The following CHD4 variants were observed in gnomAD, a reference collection of about 807,000 sequenced individuals.
CHD4 encodes the protein chromodomain helicase DNA binding protein 4.
CHD4 carries 35 observed loss-of-function variants against 235.5 expected under a neutral mutation model. The observed-to-expected ratio is 0.15, with a 90% CI of 0.11 to 0.20. The LOEUF (loss-of-function observed/expected upper bound fraction) is 0.20. CHD4 is among the 10% of genes least tolerant of loss of function. The pLI is 1.00. For synonymous variants in CHD4, 900 were observed against 850.2 expected (o/e 1.06, Z -1.02); for missense variants, 1,329 against 2,432.3 (o/e 0.55, Z 9.54).
chr12:6,583,011 A>G lies in CHD4; in HGVS notation c.4147+16T>C, dbSNP rs962908440. 5 of 1,587,204 alleles carry G rather than the reference A, an allele frequency of 3.2e-6. No homozygotes were observed. In the Admixed American group the frequency reaches 7.2e-5, roughly 23 times the overall value. On this transcript the variant is annotated intron_variant, in intron 27 of 39. Transcript: ENST00000544040. ...AGCAACATTTAGAAAAGCAACAAAAAAAGCACAGCCCTCACCTTCTGAACG... is the reference window on the plus strand; with the variant it reads ...AGCAACATTTAGAAAAGCAACAAAAGAAGCACAGCCCTCACCTTCTGAACG...
chr12:6,595,585 C>A (rs566751935), intron 13 of CHD4, among the ~76,000 whole-genome samples, 155 bp from the exon 14 acceptor site: 5 of 152,076 alleles, frequency 3.3e-5, no homozygotes, highest in African/African-American at 1.2e-4. Context: ...GTCAGGAGAT[C>A]GAGACCAGCC....
chr12:6,598,019 A>G lies in CHD4; in HGVS notation c.1767T>C (p.Gly589=), dbSNP rs1948529394. The change falls in exon 12 of 40, where the codon GGT becomes GGC. Residue 589 remains glycine, a synonymous_variant. Coordinates refer to ENST00000544040, the MANE Select transcript of CHD4 (RefSeq NM_001273.5). ...GCTTTCGGCTTTTCTCTTCATCACC[A>G]CCAAAGTCCCCAGAAGGTGGCTCAT... ...DMDEPPSGDF[G]GDEEKSRKRK... is the part of the protein sequence containing the mutation. 12 of 1,613,896 alleles carry G rather than the reference A, an allele frequency of 7.4e-6. No homozygotes were observed. The highest frequency in any genetic ancestry group is 7.6e-6 in the Non-Finnish European group (9 of 1,179,996).
At chr12:6,587,193 C>T (rs1161126454) in intron 25 of CHD4, 191 bp downstream of exon 25, 1 of 597,554 alleles carries the variant, frequency 1.7e-6, no homozygotes, top group African/African-American at 1.9e-5. Context: ...TGTAAGTTTT[C>T]TGACAACCAA....
At position 6,578,041 on chromosome 12, in the gene CHD4, G is replaced by C. The variant is rs766446926; in HGVS notation, c.5216C>G (p.Ala1739Gly). The C allele has an allele frequency of 2.5e-6, 4 of 1,612,584 alleles. No homozygotes were observed. Among genetic ancestry groups the C allele is most frequent in the South Asian group, 1.1e-5 (1 of 91,082 alleles). ...AGGCAAAGGATACTTTATAATGCCGGCTAGCAGCCAGTAGTCATGCCGTCG... is the reference window on the plus strand; with the variant it reads ...AGGCAAAGGATACTTTATAATGCCGCCTAGCAGCCAGTAGTCATGCCGTCG... ...WHRRHDYWLLAGIINHGYARW... is the reference protein window; with the variant it reads ...WHRRHDYWLLGGIINHGYARW... The change falls in exon 36 of 40, where the codon GCC (alanine) becomes GGC (glycine). Residue 1739 changes from alanine to glycine, a missense_variant. Transcript: ENST00000544040.
At position 6,606,331 on chromosome 12, in the gene CHD4, T is replaced by C. The variant is rs763513049; in HGVS notation, c.43A>G (p.Ser15Gly). The stretch of plus-strand genomic sequence containing the variant: ...AGTGCATCCATATCCTCCTCCTCAC[T>C]GCCCGCCGAGCAGGGGGACGGGGAG... ...LGSPSPCSAG[S>G]EEEDMDALLN... The change falls in exon 2 of 40, where the codon AGT becomes GGT. Residue 15 changes from serine to glycine, a missense_variant. Coordinates refer to ENST00000544040, the MANE Select transcript of CHD4 (RefSeq NM_001273.5). 1 of 1,569,924 alleles carries C rather than the reference T, an allele frequency of 6.4e-7. No individual in the cohort carries two copies. Among genetic ancestry groups the C allele is most frequent in the Non-Finnish European group, 8.6e-7 (1 of 1,160,972 alleles).
intron 39 of CHD4, 23 bp downstream of exon 39, chr12:6,570,846 T>C (rs1947953351): frequency 6.2e-7 from 1 of 1,613,630 alleles, no homozygotes; most frequent in African/African-American, 1.3e-5. Context: ...GAAGAGGTGG[T>C]GTCAAGAAGA....
At chr12:6,606,220 C>T in intron 2 of CHD4, 54 bp downstream of exon 2, 1 of 1,234,458 alleles carries the variant, frequency 8.1e-7, no homozygotes. Context: ...AGGAGTCACT[C>T]GGGAGAGCCC....
In CHD4 at chr12:6,596,092, G is replaced by A; in HGVS notation, c.1938C>T (p.Asp646=). 1.2e-6 allele frequency: 2 copies of A among 1,613,992 alleles called. No homozygotes were observed. Among genetic ancestry groups the A allele is most frequent in the Non-Finnish European group, 1.7e-6 (2 of 1,179,978 alleles). Residue 646 remains aspartate, a synonymous_variant, in exon 13 of 40, where the codon GAC becomes GAT. Coordinates refer to ENST00000544040, the MANE Select transcript of CHD4 (RefSeq NM_001273.5). ...GHVHYLIKWR[D]LPYDQASWES... The stretch of plus-strand genomic sequence containing the variant: ...CCCAAGAAGCCTGATCGTAAGGTAA[G>A]TCCCGCCACTTGATCAAGTAGTGGA...
rs373705928 is a variant in CHD4, at chr12:6,598,195, T to A, written c.1686+27A>T. The stretch of plus-strand genomic sequence containing the variant: ...TCACTATCCTCTTCATCGTAGCCCC[T>A]ACATCTCCAGACTATCCTAAACTTA... On this transcript the variant is annotated intron_variant, in intron 11 of 39. Transcript: ENST00000544040. 3.1e-6 allele frequency: 5 copies of A among 1,609,518 alleles called. No individual in the cohort carries two copies. The South Asian group carries it at 5.5e-5, about 18-fold the overall frequency.
Position 6,593,645 on chromosome 12 carries a change from T to C in CHD4, c.2314-29A>G. The stretch of plus-strand genomic sequence containing the variant: ...TGAGAAAAAAGAGGAGAGTCAGGAC[T>C]GAGGGCCCCAGCACACTGCAACCCC... On this transcript the variant is annotated intron_variant, in intron 15 of 39. Coordinates refer to ENST00000544040, the MANE Select transcript of CHD4 (RefSeq NM_001273.5). This position sits in a 1 kb window ranked among gnomAD's most constrained non-coding sequence, Gnocchi z 4.9. 1 of 1,607,676 alleles carries C rather than the reference T, an allele frequency of 6.2e-7. No homozygotes were observed. The highest frequency in any genetic ancestry group is 8.5e-7 in the Non-Finnish European group (1 of 1,175,608).
intron 15 of CHD4, among the ~76,000 whole-genome samples, chr12:6,594,234 A>T (rs532782667): frequency 1.3e-5 from 2 of 152,286 alleles, no homozygotes; most frequent in African/African-American, 4.8e-5. Context: ...AATCCTACCC[A>T]GGGCTCCATG....
intron 33 of CHD4, among the ~76,000 whole-genome samples, chr12:6,579,823 A>AG (rs1948145226): frequency 6.6e-6 from 1 of 151,500 alleles, no homozygotes; most frequent in Non-Finnish European, 1.5e-5. Context: ...TTGGGAGGCC[A>AG]AAGCGGGCGG....
chr12:6,584,021 TTAAA>T (rs1257380518), intron 25 of CHD4: 1 of 152,218 alleles, frequency 6.6e-6, no homozygotes, highest in East Asian at 1.9e-4. Flanking sequence ...ATGGAACTAA[TTAAA>T]TAAATTACAA....
Position 6,596,048 on chromosome 12 carries a change from ATC to A in CHD4, c.1980_1981del (p.Glu660AspfsTer21). 1 of 1,613,902 alleles carries A rather than the reference ATC, an allele frequency of 6.2e-7. No homozygotes were observed. The highest frequency in any genetic ancestry group is 8.5e-7 in the Non-Finnish European group (1 of 1,179,964). Reference sequence around the variant, plus strand: ...CTGCTTGAACAGGTCGTAATCCTGGATCTCCACATCCTCACTCTCCCAAGAAG... The same window carrying A: ...CTGCTTGAACAGGTCGTAATCCTGGATCCACATCCTCACTCTCCCAAGAAG... On this transcript the variant is annotated frameshift_variant, in exon 13 of 40. Coordinates refer to ENST00000544040, the MANE Select transcript of CHD4 (RefSeq NM_001273.5). LOFTEE classifies it high-confidence loss of function.
In CHD4 at chr12:6,592,472, G is replaced by T. The variant is rs757766116; in HGVS notation, c.2869C>A (p.Arg957=). The part of the protein sequence containing the change: ...HDMLGPHMLR[R]LKADVFKNMP... ...TTCTTGAACACATCGGCTTTGAGCC[G>T]CCGCAACATGTGCGGCCCCAGCATG... Residue 957 remains arginine, a synonymous_variant, in exon 19 of 40, where the codon CGG becomes AGG. Coordinates refer to ENST00000544040, the MANE Select transcript of CHD4 (RefSeq NM_001273.5). 4 of 1,611,908 alleles carry T rather than the reference G, an allele frequency of 2.5e-6. No homozygotes were observed. The highest frequency in any genetic ancestry group is 3.4e-6 in the Non-Finnish European group (4 of 1,178,072).
In CHD4 at chr12:6,581,323, C is replaced by A; in HGVS notation, c.4747G>T (p.Val1583Phe). 1 of 1,614,174 alleles carries A rather than the reference C, an allele frequency of 6.2e-7. No individual in the cohort carries two copies. The highest frequency in any genetic ancestry group is 8.5e-7 in the Non-Finnish European group (1 of 1,180,014). ...GCAGTCTCAGGGGCTGTAGATTTAA[C>A]CTCCTTTTCTCCTTCTATGCTCTCT... ...EEESIEGEKE[V>F]KSTAPETAIE... Residue 1583 changes from valine to phenylalanine, a missense_variant, in exon 32 of 40, where the codon GTT becomes TTT. Physicochemically the swap from Val to Phe is conservative, Grantham distance 50. This residue lies in a region of CHD4 where 219 missense variants were observed against 219.3 expected (regional missense o/e 1.00). Transcript: ENST00000544040.
chr12:6,587,469 G>C lies in CHD4; in HGVS notation c.3794C>G (p.Thr1265Ser). The change falls in exon 25 of 40, where the codon ACT (threonine) becomes AGT (serine). Residue 1265 changes from threonine (T) to serine (S), a missense_variant. Around this residue, in one of 26 missense-constraint regions of CHD4, gnomAD observed 21 missense variants for 53.5 expected, o/e 0.39. Transcript: ENST00000544040. ...CATGCCCTGCAATTCTGTGTCTTCAGTCTCATCCTGGTTACGGTCTAGCAG... is the reference window on the plus strand; with the variant it reads ...CATGCCCTGCAATTCTGTGTCTTCACTCTCATCCTGGTTACGGTCTAGCAG... ...ERLLDRNQDE[T>S]EDTELQGMNE... 1.2e-6 allele frequency: 2 copies of C among 1,614,134 alleles called. No individual in the cohort carries two copies. The highest frequency in any genetic ancestry group is 1.7e-6 in the Non-Finnish European group (2 of 1,180,018).
chr12:6,597,922 T>A lies in CHD4; in HGVS notation c.1864A>T (p.Met622Leu). Reference sequence around the variant, plus strand: ...TGGTTGAGGATTCGGTGGATCATCATCCACTCGGGTTTTATCCCATAGCGA... The same window carrying A: ...TGGTTGAGGATTCGGTGGATCATCAACCACTCGGGTTTTATCCCATAGCGA... ...FYRYGIKPEW[M>L]MIHRILNHSV... Residue 622 changes from methionine (M) to leucine (L), a missense_variant, in exon 12 of 40, where the codon ATG becomes TTG. Transcript: ENST00000544040. The A allele has an allele frequency of 1.9e-6, 3 of 1,614,210 alleles. No homozygotes were observed. The highest frequency in any genetic ancestry group is 2.5e-6 in the Non-Finnish European group (3 of 1,180,034).
intron 22 of CHD4, among the ~76,000 whole-genome samples, chr12:6,590,980 G>A (rs11064272): frequency 0.23 from 34,465 of 151,684 alleles, 5,216 homozygotes; most frequent in African/African-American, 0.44. Flanking sequence ...AAAATTAGCT[G>A]GGCGTGGTGG....
Sources: gnomAD v4.1 joint callset for allele counts (sites outside exome capture counted in the v4.1 genomes callset) on GRCh38, gnomAD v4.1.1 for gene constraint, gnomAD v4.1.1 regional missense constraint, Gnocchi (gnomAD v3.1) non-coding constraint, MANE v1.5 for transcripts, NCBI Gene and HGNC (gene_info 2026-07-23, HGNC 2026-07-21) for gene names.